CFTR: variants seen among roughly 807,000 people sequenced by gnomAD.
The protein encoded by CFTR is CF transmembrane conductance regulator.
A neutral mutation model predicts 171.6 loss-of-function variants in CFTR; 181 were observed. The ratio of observed to expected loss-of-function variants is 1.05; its 90% CI spans 0.93 to 1.19. CFTR has a LOEUF of 1.19. Ranked by LOEUF, CFTR falls within the 50% of genes most tolerant of loss-of-function variation. The pLI, the probability that CFTR is intolerant of heterozygous loss-of-function variation, is 0.00. For missense variants in CFTR, 1,968 were observed against 1,734.7 expected (o/e 1.13, Z -2.39); for synonymous variants, 583 against 608.0 (o/e 0.96, Z 0.60).
rs34773874 is a variant in CFTR, at chr7:117,657,983, G to C, written c.3963+5052G>C. 4.9e-3 allele frequency among the ~76,000 whole-genome samples: 742 copies of C among 152,286 alleles called. 4 individuals are homozygous for C. Among genetic ancestry groups the C allele is most frequent in the African/African-American group, 0.016 (678 of 41,558 alleles). ...ACTAGCTGGAAGGCTTAGAACAAAA[G>C]CTGGTCCAGAGAGCCTCCTTTTTCC... On this transcript the variant is annotated intron_variant, in intron 24 of 26. Coordinates refer to ENST00000003084, the MANE Select transcript of CFTR (RefSeq NM_000492.4).
At chr7:117,540,953 A>G (rs985838049) in intron 8 of CFTR, among the ~76,000 whole-genome samples, 1 of 152,160 alleles carries the variant, frequency 6.6e-6, no homozygotes, top group African/African-American at 2.4e-5. Context: ...ACACACACAC[A>G]TAAACACACA....
intron 11 of CFTR, among the ~76,000 whole-genome samples, chr7:117,567,326 G>A (rs1234710275): frequency 6.6e-6 from 1 of 152,088 alleles, no homozygotes; most frequent in Non-Finnish European, 1.5e-5. Flanking sequence ...ATTTCCATCT[G>A]CAGATGATCA....
At chr7:117,641,293 T>G (rs1193014393) in intron 22 of CFTR, among the ~76,000 whole-genome samples, 1 of 152,204 alleles carries the variant, frequency 6.6e-6, no homozygotes, top group Non-Finnish European at 1.5e-5. Context: ...GTCCCTTCAC[T>G]GGTTCTGGTT....
At chr7:117,583,234 G>C (rs1266482897) in intron 11 of CFTR, among the ~76,000 whole-genome samples, 1 of 152,014 alleles carries the variant, frequency 6.6e-6, no homozygotes, top group East Asian at 1.9e-4. Flanking sequence ...ACATGGATAA[G>C]TGCTTTAGTG....
chr7:117,546,913 TC>T lies in CFTR; in HGVS notation c.1210-1727del, dbSNP rs1425503695. On this transcript the variant is annotated intron_variant, in intron 9 of 26. Coordinates refer to ENST00000003084, the MANE Select transcript of CFTR (RefSeq NM_000492.4). ...CCTAGCATGTATGTCATTTATTTGG[TC>T]AAGGGTGAGTTGGTTGTTCTCTTGA... is the stretch of plus-strand genomic sequence containing the variant. 3.9e-5 allele frequency among the ~76,000 whole-genome samples: 6 copies of T among 152,330 alleles called. No homozygotes were observed. The East Asian group carries it at 1.2e-3, about 29-fold the overall frequency.
At chr7:117,637,874 C>G (rs1792850624) in intron 22 of CFTR, among the ~76,000 whole-genome samples, 1 of 151,254 alleles carries the variant, frequency 6.6e-6, no homozygotes, top group African/African-American at 2.4e-5. Context: ...AAGACTCCGT[C>G]TCAAAAAAAA....
At chr7:117,590,751 T>C (rs1323690273) in intron 13 of CFTR, among the ~76,000 whole-genome samples, 1 of 152,122 alleles carries the variant, frequency 6.6e-6, no homozygotes, top group African/African-American at 2.4e-5. Context: ...TAATTATTAT[T>C]ATACTTAACA....
chr7:117,608,841 CT>C (rs562762005), intron 18 of CFTR, among the ~76,000 whole-genome samples: 21 of 151,894 alleles, frequency 1.4e-4, no homozygotes, highest in African/African-American at 3.6e-4. Context: ...TATAAATTTT[CT>C]TTTTTTAAAA....
intron 3 of CFTR, among the ~76,000 whole-genome samples, chr7:117,530,512 C>CA (rs890530097): frequency 2.6e-4 from 39 of 147,966 alleles, no homozygotes; most frequent in East Asian, 5.9e-4. Context: ...CTATAGTAAA[C>CA]AAAAAAAAAG....
At chr7:117,603,884 A>G (rs1792265834) in intron 17 of CFTR, 102 bp downstream of exon 17, 5 of 1,280,074 alleles carry the variant, frequency 3.9e-6, no homozygotes, top group Middle Eastern at 1.8e-4. Context: ...GCACAGAGGC[A>G]TGTGCCCTTT....
At chr7:117,509,194 T>C in intron 3 of CFTR, 52 bp downstream of exon 3, 1 of 1,103,438 alleles carries the variant, frequency 9.1e-7, no homozygotes, top group Non-Finnish European at 1.4e-6. Flanking sequence ...ATATTCATTT[T>C]TGTGATTATG....
At position 117,536,656 on chromosome 7, in the gene CFTR, G is replaced by T; in HGVS notation, c.852G>T (p.Met284Ile). Residue 284 changes from methionine (M) to isoleucine (I), a missense_variant, in exon 7 of 27, where the codon ATG becomes ATT. Transcript: ENST00000003084. ...GCTGGGAAGAAGCAATGGAAAAAAT[G>T]ATTGAAAACTTAAGACAGTAAGTTG... is the stretch of plus-strand genomic sequence containing the variant. ...AYCWEEAMEK[M>I]IENLRQTELK... 6.2e-7 allele frequency: 1 copy of T among 1,611,400 alleles called. No homozygotes were observed. Among genetic ancestry groups the T allele is most frequent in the South Asian group, 1.1e-5 (1 of 90,978 alleles).
intron 11 of CFTR, among the ~76,000 whole-genome samples, chr7:117,583,390 G>C (rs2106153): frequency 1 from 152,184 of 152,184 alleles, 76,092 homozygotes; most frequent in Non-Finnish European, 1. Context: ...AGCCTCATTG[G>C]TTAGCTCCCA....
chr7:117,602,474 G>T (rs1014849900), intron 15 of CFTR, among the ~76,000 whole-genome samples: 2 of 152,206 alleles, frequency 1.3e-5, no homozygotes, highest in Non-Finnish European at 2.9e-5. Flanking sequence ...TCTGCCAGCA[G>T]TCTGAGATTA....
intron 15 of CFTR, among the ~76,000 whole-genome samples, chr7:117,597,191 T>A (rs1792144237): frequency 6.6e-6 from 1 of 152,214 alleles, no homozygotes; most frequent in African/African-American, 2.4e-5. Flanking sequence ...TGACACTCAC[T>A]GGGAAGGTCT....
At position 117,603,757 on chromosome 7, in the gene CFTR, G is replaced by T. The variant is rs397508450; in HGVS notation, c.2883G>T (p.Met961Ile). Reference protein sequence around the residue: ...KMLHSVLQAPMSTLNTLKAGG... With the variant: ...KMLHSVLQAPISTLNTLKAGG... ...TACATTCTGTTCTTCAAGCACCTAT[G>T]TCAACCCTCAACACGTTGAAAGCAG... The change falls in exon 17 of 27, where the codon ATG (methionine) becomes ATT (isoleucine). Residue 961 changes from methionine to isoleucine, a missense_variant. Coordinates refer to ENST00000003084, the MANE Select transcript of CFTR (RefSeq NM_000492.4). 3.1e-6 allele frequency: 5 copies of T among 1,613,950 alleles called. No homozygotes were observed. The highest frequency in any genetic ancestry group is 4.2e-6 in the Non-Finnish European group (5 of 1,179,920).
intron 23 of CFTR, among the ~76,000 whole-genome samples, chr7:117,643,164 A>C (rs1297126903): frequency 6.6e-6 from 1 of 152,118 alleles, no homozygotes; most frequent in Admixed American, 6.6e-5. Flanking sequence ...GTGTAAGAGC[A>C]CTTCTTGTAT....
chr7:117,591,925 A>G lies in CFTR; in HGVS notation c.1767-9A>G, dbSNP rs1223678085. On this transcript the variant is annotated splice_polypyrimidine_tract_variant and intron_variant, in intron 13 of 26. Coordinates refer to ENST00000003084, the MANE Select transcript of CFTR (RefSeq NM_000492.4). Reference sequence around the variant, plus strand: ...AAAATTGATATTTATATGTTTTTATATCTTAAAGCTGTGTCTGTAAACTGA... The same window carrying G: ...AAAATTGATATTTATATGTTTTTATGTCTTAAAGCTGTGTCTGTAAACTGA... 2 of 1,532,922 alleles carry G rather than the reference A, an allele frequency of 1.3e-6. No homozygotes were observed. Among genetic ancestry groups the G allele is most frequent in the Admixed American group, 2.0e-5 (1 of 51,188 alleles). 95.0% of individuals were successfully genotyped at this position (1,532,922 alleles called of 1,614,324 possible). A position where few individuals can be genotyped will look rare whatever the true frequency, so the allele number is the denominator to read the frequency against.
intron 11 of CFTR, among the ~76,000 whole-genome samples, chr7:117,573,487 G>T (rs942161381): frequency 2.6e-5 from 4 of 152,110 alleles, no homozygotes; most frequent in Non-Finnish European, 4.4e-5. Flanking sequence ...TAGATGAGTA[G>T]CTCAAACATT....
Sources: allele counts gnomAD v4.1 joint callset (sites outside exome capture counted in the v4.1 genomes callset), GRCh38; gene constraint gnomAD v4.1.1; transcripts MANE v1.5; gene names NCBI Gene and HGNC (gene_info 2026-07-23, HGNC 2026-07-21).